Variants in PELI2 observed in about 807,000 individuals in gnomAD.
PELI2 encodes E3 ubiquitin-protein ligase pellino homolog 2.
In PELI2, 23 loss-of-function variants were observed where a neutral mutation model predicts 42.3. That is an observed-to-expected ratio of 0.54 (90% CI 0.39 to 0.77). PELI2 has a LOEUF of 0.77. PELI2 is among the 30% of genes least tolerant of loss of function. The pLI is 0.00. For missense variants in PELI2, 463 were observed against 553.2 expected, an observed-to-expected ratio of 0.84 and a Z score of 1.64; for synonymous variants, 245 against 212.2, an observed-to-expected ratio of 1.15 and a Z score of -1.34.
intron 1 of PELI2, among the ~76,000 whole-genome samples, chr14:56,125,325 G>A (rs1463197859): frequency 6.7e-6 from 1 of 148,848 alleles, no homozygotes; most frequent in Non-Finnish European, 1.5e-5. Context: ...AGAGAGGTGA[G>A]CAAGCAAAGG....
Position 56,288,332 on chromosome 14 carries a change from AAGGAT to A in PELI2, c.310-102_310-98del. The stretch of plus-strand genomic sequence containing the variant: ...TGCATTAAATTCTAACCCTCAGAAC[AAGGAT>A]AGTGAATGTTAAAGGAATCCTGAAT... On this transcript the variant is annotated intron_variant, in intron 3 of 5. Transcript: ENST00000267460. This position sits in a 1 kb window ranked among gnomAD's most constrained non-coding sequence, Gnocchi z 4.6. 1 of 808,012 alleles carries A rather than the reference AAGGAT, an allele frequency of 1.2e-6. No individual in the cohort carries two copies. The highest frequency in any genetic ancestry group is 2.1e-6 in the Non-Finnish European group (1 of 487,662). The allele number at this position is 808,012 out of a possible 1,614,324, so 50.1% of individuals were successfully genotyped here.
rs534153941 is a variant in PELI2 at position 56,200,371 on chromosome 14, A to G, written c.207+21907A>G. Among the ~76,000 whole-genome samples the G allele has an allele frequency of 4.5e-5, 4 of 88,508 alleles. No individual in the cohort carries two copies. In the South Asian group the frequency reaches 1.4e-3, roughly 31 times the overall value. 58.1% of individuals were successfully genotyped at this position (88,508 alleles called of 152,430 possible). The stretch of plus-strand genomic sequence containing the variant: ...GGGCTTTTATCATTTCCATTTTCAG[A>G]TGAGGCATGTGAGGCACAGAGTGTT... On this transcript the variant is annotated intron_variant, in intron 2 of 5. Coordinates refer to ENST00000267460, the MANE Select transcript of PELI2 (RefSeq NM_021255.3).
intron 2 of PELI2, among the ~76,000 whole-genome samples, chr14:56,266,891 A>G (rs1358228374): frequency 1.3e-5 from 2 of 152,122 alleles, no homozygotes; most frequent in Admixed American, 6.5e-5. Context: ...CATTAAAAAG[A>G]ATGAGACAAC....
chr14:56,240,066 A>G (rs1256785060), intron 2 of PELI2, among the ~76,000 whole-genome samples: 2 of 152,170 alleles, frequency 1.3e-5, no homozygotes, highest in Admixed American at 6.5e-5. Context: ...TTATTCATTA[A>G]GATATTTGGG....
intron 2 of PELI2, among the ~76,000 whole-genome samples, chr14:56,185,703 A>G (rs1246250445): frequency 6.6e-6 from 1 of 152,178 alleles, no homozygotes; most frequent in Non-Finnish European, 1.5e-5. Flanking sequence ...CTAGTTTGAC[A>G]TTAGCATTTT....
At chr14:56,192,390 C>T (rs1010909928) in intron 2 of PELI2, among the ~76,000 whole-genome samples, 1 of 152,164 alleles carries the variant, frequency 6.6e-6, no homozygotes, top group Admixed American at 6.5e-5. Flanking sequence ...GAGAGTTTCT[C>T]AACCTCAGCA....
At position 56,298,893 on chromosome 14, in the gene PELI2, TCTTA is replaced by T. The variant is rs902530876; in HGVS notation, c.*1729_*1732del. On this transcript the variant is annotated 3_prime_UTR_variant, in exon 6 of 6. Coordinates refer to ENST00000267460, the MANE Select transcript of PELI2 (RefSeq NM_021255.3). Reference sequence around the variant, plus strand: ...GTGTGAAAATCGATGACAACAGTCCTCTTACAGATAGCTTGCTGTATTCTGTATA... The same window carrying T: ...GTGTGAAAATCGATGACAACAGTCCTCAGATAGCTTGCTGTATTCTGTATA... The T allele has an allele frequency of 6.6e-6, 1 of 152,256 alleles. No homozygotes were observed. The highest frequency in any genetic ancestry group is 2.4e-5 in the African/African-American group (1 of 41,460). 9.4% of individuals were successfully genotyped at this position (152,256 alleles called of 1,614,324 possible).
intron 1 of PELI2, among the ~76,000 whole-genome samples, chr14:56,169,606 CT>C (rs1218996878): frequency 1.3e-5 from 2 of 152,188 alleles, no homozygotes; most frequent in African/African-American, 4.8e-5. Context: ...TTTCTTCTGT[CT>C]CTTCTAGAGC....
At position 56,258,544 on chromosome 14, in the gene PELI2, TGAA is replaced by T. The variant is rs1270955866; in HGVS notation, c.208-21131_208-21129del. The stretch of plus-strand genomic sequence containing the variant: ...AATGTCAGAAAAAAGGTTCAAGTGA[TGAA>T]ACTTCTGAAGGTGAAAAATAACATG... On this transcript the variant is annotated intron_variant, in intron 2 of 5. Transcript: ENST00000267460. Among the ~76,000 whole-genome samples the T allele has an allele frequency of 9.3e-5, 14 of 150,736 alleles. No individual in the cohort carries two copies. In the East Asian group the frequency reaches 2.7e-3, roughly 30 times the overall value.
intron 1 of PELI2, among the ~76,000 whole-genome samples, chr14:56,159,662 G>A (rs1368748403): frequency 6.6e-6 from 1 of 151,254 alleles, no homozygotes; most frequent in Non-Finnish European, 1.5e-5. Flanking sequence ...TTACCCATAG[G>A]GTAAAAAAAA....
intron 1 of PELI2, among the ~76,000 whole-genome samples, chr14:56,136,873 C>G (rs2139596740): frequency 6.6e-6 from 1 of 152,242 alleles, no homozygotes; most frequent in South Asian, 2.1e-4. Flanking sequence ...GGCAGTTTGT[C>G]TTTGGCAGTT....
intron 1 of PELI2, among the ~76,000 whole-genome samples, chr14:56,122,778 T>C (rs1373176873): frequency 6.6e-6 from 1 of 152,202 alleles, no homozygotes; most frequent in African/African-American, 2.4e-5. Context: ...CACTTATGAG[T>C]GTAGGCAACA....
At chr14:56,285,613 C>T (rs563701149) in intron 3 of PELI2, among the ~76,000 whole-genome samples, 37 of 151,982 alleles carry the variant, frequency 2.4e-4, no homozygotes, top group Non-Finnish European at 4.6e-4. Flanking sequence ...AGAGATGGAC[C>T]GGCATATGCT....
intron 2 of PELI2, among the ~76,000 whole-genome samples, chr14:56,246,484 C>T (rs1888165074): frequency 6.6e-6 from 1 of 152,164 alleles, no homozygotes. Flanking sequence ...CCTGTGTTTC[C>T]CATGTCCTTC....
rs1889192625 is a variant in PELI2 at position 56,273,891 on chromosome 14, C to A, written c.208-5785C>A. ...TCCAGAGGTCTGGGGACAGGTAGTT[C>A]CACGTTTGATTCAGCATCTCAAAGA... is the stretch of plus-strand genomic sequence containing the variant. On this transcript the variant is annotated intron_variant, in intron 2 of 5. Coordinates refer to ENST00000267460, the MANE Select transcript of PELI2 (RefSeq NM_021255.3). This position sits in a 1 kb window ranked among gnomAD's most constrained non-coding sequence, Gnocchi z 4.3. Among the ~76,000 whole-genome samples, 1 of 152,196 alleles carries A rather than the reference C, an allele frequency of 6.6e-6. No homozygotes were observed. Among genetic ancestry groups the A allele is most frequent in the Non-Finnish European group, 1.5e-5 (1 of 68,042 alleles).
At chr14:56,230,780 G>C (rs1255998201) in intron 2 of PELI2, among the ~76,000 whole-genome samples, 1 of 152,196 alleles carries the variant, frequency 6.6e-6, no homozygotes, top group Non-Finnish European at 1.5e-5. Flanking sequence ...TGGGCTAAAT[G>C]TTCCAATTAA....
intron 1 of PELI2, among the ~76,000 whole-genome samples, chr14:56,166,081 C>A (rs567649443): frequency 6.6e-6 from 1 of 152,084 alleles, no homozygotes; most frequent in South Asian, 2.1e-4. Context: ...CTTCCTCTAG[C>A]GAAGGTGATT....
At chr14:56,173,435 T>C (rs1203277136) in intron 1 of PELI2, among the ~76,000 whole-genome samples, 1 of 152,166 alleles carries the variant, frequency 6.6e-6, no homozygotes, top group Non-Finnish European at 1.5e-5. Flanking sequence ...CACTTTGTAT[T>C]GAAAACAACT....
chr14:56,157,002 C>T (rs771125084), intron 1 of PELI2, among the ~76,000 whole-genome samples: 1 of 152,194 alleles, frequency 6.6e-6, no homozygotes, highest in Non-Finnish European at 1.5e-5. Flanking sequence ...AGATTATGTA[C>T]ATGGCTGTTG....
Sources: gnomAD v4.1 joint callset for allele counts (sites outside exome capture counted in the v4.1 genomes callset) on GRCh38, gnomAD v4.1.1 for gene constraint, Gnocchi (gnomAD v3.1) non-coding constraint, MANE v1.5 for transcripts, NCBI Gene and HGNC (gene_info 2026-07-23, HGNC 2026-07-21) for gene names.